Variants in RABGAP1L observed in about 807,000 individuals in gnomAD.
RABGAP1L encodes the protein RAB GTPase activating protein 1 like, also known as rab GTPase-activating protein 1-like.
RABGAP1L carries 63 observed loss-of-function variants against 137.7 expected under a neutral mutation model. That is an observed-to-expected ratio of 0.46 (90% confidence interval 0.37 to 0.56). The LOEUF (loss-of-function observed/expected upper bound fraction) is 0.56, where lower values mean the gene tolerates loss of function less well. Ranked by LOEUF, RABGAP1L falls within the 20% of genes least tolerant of loss-of-function variation. RABGAP1L has a pLI of 0.00. For missense variants in RABGAP1L, 1,095 were observed against 1,244.0 expected, an observed-to-expected ratio of 0.88 and a Z score of 1.80; for synonymous variants, 431 against 433.7, an observed-to-expected ratio of 0.99 and a Z score of 0.08.
Position 174,988,752 on chromosome 1 carries a change from G to A in RABGAP1L, c.2917G>A (p.Asp973Asn). 6.5e-7 allele frequency: 1 copy of A among 1,550,078 alleles called. No individual in the cohort carries two copies. Among genetic ancestry groups the A allele is most frequent in the South Asian group, 1.2e-5 (1 of 83,940 alleles). ...DQGIETDDEKDSLKKQLREME... is the reference protein window; with the variant it reads ...DQGIETDDEKNSLKKQLREME... ...GGGAATTGAAACAGATGATGAGAAG[G>A]ACTCACTTAAGAAGCAGCTGAGAGA... The change falls in exon 25 of 26, where the codon GAC (aspartate) becomes AAC (asparagine). Residue 973 changes from aspartate to asparagine, a missense_variant. Transcript: ENST00000681986.
intron 16 of RABGAP1L, 54 bp downstream of exon 16, chr1:174,699,704 A>T: frequency 6.7e-7 from 1 of 1,499,498 alleles, no homozygotes; most frequent in Non-Finnish European, 9.2e-7. Flanking sequence ...GTCATAGAAA[A>T]AGCCTAATAG....
chr1:174,562,104 CATCT>C (rs762813745), intron 13 of RABGAP1L, among the ~76,000 whole-genome samples: 14 of 152,152 alleles, frequency 9.2e-5, no homozygotes, highest in Non-Finnish European at 1.8e-4. Flanking sequence ...GCAATCTATC[CATCT>C]GACAAAGGGC....
intron 7 of RABGAP1L, among the ~76,000 whole-genome samples, chr1:174,271,816 TTAA>T (rs1163521899): frequency 6.6e-6 from 1 of 152,010 alleles, no homozygotes; most frequent in Non-Finnish European, 1.5e-5. Flanking sequence ...TAACAGTAAA[TTAA>T]TAATATGTTG....
At chr1:174,202,360 G>T (rs1018977900) in intron 1 of RABGAP1L, among the ~76,000 whole-genome samples, 1 of 152,116 alleles carries the variant, frequency 6.6e-6, no homozygotes, top group Non-Finnish European at 1.5e-5. Flanking sequence ...GTGTGAGATG[G>T]TATCTCATTG....
chr1:174,859,367 C>T (rs971459403), intron 19 of RABGAP1L, among the ~76,000 whole-genome samples: 17 of 151,858 alleles, frequency 1.1e-4, no homozygotes, highest in Admixed American at 4.6e-4. Context: ...CCTGTAGTCC[C>T]AGCTACTCGG....
intron 13 of RABGAP1L, among the ~76,000 whole-genome samples, chr1:174,595,968 G>A (rs1479259940): frequency 9.8e-6 from 1 of 102,262 alleles, no homozygotes; most frequent in Non-Finnish European, 1.8e-5. Context: ...TTGCCGCCTT[G>A]CAGTTTGATC....
chr1:174,385,110 G>T (rs1218415630), intron 12 of RABGAP1L, among the ~76,000 whole-genome samples: 1 of 152,190 alleles, frequency 6.6e-6, no homozygotes, highest in Non-Finnish European at 1.5e-5. Context: ...GGGAACAAAG[G>T]TGGAAGCAGG....
chr1:174,782,165 CA>C, intron 18 of RABGAP1L, among the ~76,000 whole-genome samples: 1 of 152,164 alleles, frequency 6.6e-6, no homozygotes, highest in African/African-American at 2.4e-5. Context: ...GCAGTATGGC[CA>C]TTTTCATGAT....
In RABGAP1L at chr1:174,221,029, T is replaced by G; in HGVS notation, c.196T>G (p.Ser66Ala). The stretch of plus-strand genomic sequence containing the variant: ...AGCCATGGAAGAGATTTTGAGAGAT[T>G]CCGAGAAAAGGCCAAGCAGTCTTCT... ...EKAMEEILRDSEKRPSSLLVD... is the reference protein window; with the variant it reads ...EKAMEEILRDAEKRPSSLLVD... The change falls in exon 3 of 26, where the codon TCC (serine) becomes GCC (alanine). Residue 66 changes from serine to alanine, a missense_variant. Transcript: ENST00000681986. The G allele has an allele frequency of 6.2e-7, 1 of 1,613,822 alleles. No individual in the cohort carries two copies. Among genetic ancestry groups the G allele is most frequent in the Non-Finnish European group, 8.5e-7 (1 of 1,179,854 alleles).
intron 14 of RABGAP1L, among the ~76,000 whole-genome samples, chr1:174,662,308 T>TA (rs1676446470): frequency 1.3e-5 from 2 of 152,188 alleles, no homozygotes; most frequent in Admixed American, 6.5e-5. Context: ...TTCACCATGT[T>TA]AGTCAGGCTG....
rs1168771504 is a variant in RABGAP1L at position 174,349,217 on chromosome 1, C to T, written c.1466-21762C>T. ...TCACCTCCCGGACGGGGCGGCTGGC[C>T]GGGCGGGGGGGCTGACCCCTCCCAC... On this transcript the variant is annotated intron_variant, in intron 11 of 25. Coordinates refer to ENST00000681986, the MANE Select transcript of RABGAP1L (RefSeq NM_001366446.1). 1.8e-4 allele frequency among the ~76,000 whole-genome samples: 22 copies of T among 124,270 alleles called. 1 individual carries two copies. Among genetic ancestry groups the T allele is most frequent in the Admixed American group, 1.5e-3 (18 of 12,378 alleles). 81.5% of individuals were successfully genotyped at this position (124,270 alleles called of 152,430 possible).
intron 13 of RABGAP1L, among the ~76,000 whole-genome samples, chr1:174,398,292 C>T (rs926057997): frequency 1.8e-4 from 28 of 152,078 alleles, no homozygotes; most frequent in African/African-American, 6.5e-4. Flanking sequence ...CTTTCCTCCC[C>T]AGAGGAAAAG....
At chr1:174,672,750 G>A (rs776081049) in intron 14 of RABGAP1L, among the ~76,000 whole-genome samples, 2 of 151,666 alleles carry the variant, frequency 1.3e-5, no homozygotes, top group African/African-American at 2.4e-5. Flanking sequence ...TAATTTCCAT[G>A]TACATGTGAA....
chr1:174,181,873 CAA>C (rs987961368), intron 1 of RABGAP1L, among the ~76,000 whole-genome samples: 2 of 152,170 alleles, frequency 1.3e-5, no homozygotes, highest in Middle Eastern at 3.2e-3. Context: ...ACATAGGTAA[CAA>C]AGAGTGTCTG....
rs1289862039 is a variant in RABGAP1L at position 174,427,142 on chromosome 1, T to TTGTG, written c.1710+32998_1710+32999insGTGT. On this transcript the variant is annotated intron_variant, in intron 13 of 25. Transcript: ENST00000681986. ...CTGTTTAACATAAACCTCCGCATGT[T>TTGTG]TATGTGTGTGTGTGTGTGTGTGTGT... Among the ~76,000 whole-genome samples the TTGTG allele has an allele frequency of 3.3e-3, 385 of 115,584 alleles. 2 individuals carry two copies. Among genetic ancestry groups the TTGTG allele is most frequent in the African/African-American group, 0.012 (366 of 29,282 alleles). 75.8% of individuals were successfully genotyped at this position (115,584 alleles called of 152,430 possible). A position where few individuals can be genotyped will look rare whatever the true frequency, so the allele number is the denominator to read the frequency against.
Position 174,581,812 on chromosome 1 carries a change from A to G in RABGAP1L, c.1711-55563A>G, listed in dbSNP as rs187963020. On this transcript the variant is annotated intron_variant, in intron 13 of 25. Coordinates refer to ENST00000681986, the MANE Select transcript of RABGAP1L (RefSeq NM_001366446.1). ...GAGCAATAGAAGTGGAGCAATGATG[A>G]TGGATTTGAGGGTCAATAATAAGAA... Among the ~76,000 whole-genome samples, 365 of 152,296 alleles carry G rather than the reference A, an allele frequency of 2.4e-3. 1 individual carries two copies. Among genetic ancestry groups the G allele is most frequent in the Admixed American group, 4.3e-3 (66 of 15,290 alleles).
chr1:174,184,468 AGACT>A (rs1419626249), intron 1 of RABGAP1L, among the ~76,000 whole-genome samples: 3 of 152,252 alleles, frequency 2.0e-5, no homozygotes, highest in Non-Finnish European at 4.4e-5. Context: ...AGAAACCATC[AGACT>A]ATCTTCCAAA....
At chr1:174,892,674 C>T in intron 19 of RABGAP1L, 1 of 531,098 alleles carries the variant, frequency 1.9e-6, no homozygotes, top group South Asian at 1.4e-5. Context: ...GATGGTCCAT[C>T]ACTTGCAAAC....
At chr1:174,980,876 G>A (rs1574068889) in intron 23 of RABGAP1L, among the ~76,000 whole-genome samples, 1 of 151,346 alleles carries the variant, frequency 6.6e-6, no homozygotes, top group South Asian at 2.1e-4. Flanking sequence ...AACGAAAATA[G>A]AGAAAAGGGA....
Sources: gnomAD v4.1 joint callset for allele counts (sites outside exome capture counted in the v4.1 genomes callset) on GRCh38, gnomAD v4.1.1 for gene constraint, MANE v1.5 for transcripts, NCBI Gene and HGNC (gene_info 2026-07-23, HGNC 2026-07-21) for gene names.